MRPL3: variants seen among roughly 807,000 people sequenced by gnomAD.
The protein encoded by MRPL3 is mitochondrial ribosomal protein L3, also known as large ribosomal subunit protein uL3m.
In MRPL3, 43 loss-of-function variants were observed where a neutral mutation model predicts 44.3. The ratio of observed to expected loss-of-function variants is 0.97; its 90% CI spans 0.76 to 1.25. MRPL3 has a LOEUF of 1.25. Ranked by LOEUF, MRPL3 falls within the 50% of genes most tolerant of loss-of-function variation. MRPL3 has a pLI of 0.00. For synonymous variants in MRPL3, 171 were observed against 152.3 expected (o/e 1.12, Z -0.91); for missense variants, 406 against 427.6 (o/e 0.95, Z 0.45).
chr3:131,486,228 C>T (rs1235113926), intron 6 of MRPL3, among the ~76,000 whole-genome samples: 1 of 151,692 alleles, frequency 6.6e-6, no homozygotes, highest in East Asian at 1.9e-4. Context: ...CATAAAAACC[C>T]TAGAAGAAAA....
In MRPL3 at chr3:131,469,223, C is replaced by A. The variant is rs565883006; in HGVS notation, c.816+473G>T. 7.6e-5 allele frequency among the ~76,000 whole-genome samples: 11 copies of A among 145,084 alleles called. No individual in the cohort carries two copies. In the South Asian group the frequency reaches 1.8e-3, roughly 23 times the overall value. ...CCTCCCACTCTCCTCCTTACACTTACACACACACACGCACACACACACACA... is the reference window on the plus strand; with the variant it reads ...CCTCCCACTCTCCTCCTTACACTTAAACACACACACGCACACACACACACA... On this transcript the variant is annotated intron_variant, in intron 8 of 9. Transcript: ENST00000264995.
intron 5 of MRPL3, 74 bp downstream of exon 5, chr3:131,489,907 T>C (rs1159995936): frequency 5.9e-6 from 5 of 849,890 alleles, no homozygotes; most frequent in East Asian, 5.2e-5. Context: ...TGTAGCTTTA[T>C]TGAAAGGGCT....
Position 131,501,562 on chromosome 3 carries a change from A to C in MRPL3, c.246T>G (p.Asp82Glu). 6.2e-7 allele frequency: 1 copy of C among 1,612,050 alleles called. No homozygotes were observed. Among genetic ancestry groups the C allele is most frequent in the South Asian group, 1.1e-5 (1 of 90,962 alleles). Residue 82 changes from aspartate to glutamate, a missense_variant, in exon 2 of 10, where the codon GAT becomes GAG. By Grantham distance (45) the Asp-to-Glu change is conservative (BLOSUM62 2). Coordinates refer to ENST00000264995, the MANE Select transcript of MRPL3 (RefSeq NM_007208.4). ...QLASKLCPLK[D>E]EPWPIHPWEP... ...CCCAAGGATGTATAGGCCATGGTTC[A>C]TCTTTCAGAGGACACAGTTTACTTG... is the stretch of plus-strand genomic sequence containing the variant.
At chr3:131,498,383 C>T in intron 3 of MRPL3, 106 bp from the exon 4 acceptor site, 2 of 630,348 alleles carry the variant, frequency 3.2e-6, no homozygotes, top group Non-Finnish European at 2.8e-6. Flanking sequence ...CCTACAGTTA[C>T]TTACCTCATC....
chr3:131,487,870 A>G, intron 5 of MRPL3, 130 bp from the exon 6 acceptor site: 1 of 646,920 alleles, frequency 1.5e-6, no homozygotes, highest in Non-Finnish European at 2.7e-6. Context: ...TTCTGCAATT[A>G]GAAACATCCA....
At chr3:131,469,595 C>T in intron 8 of MRPL3, 101 bp downstream of exon 8, 3 of 775,014 alleles carry the variant, frequency 3.9e-6, no homozygotes, top group Non-Finnish European at 6.2e-6. Context: ...ATTTTAAAGC[C>T]TCTTAGAACA....
intron 8 of MRPL3, among the ~76,000 whole-genome samples, chr3:131,468,542 A>T (rs1933672707): frequency 6.6e-6 from 1 of 152,128 alleles, no homozygotes; most frequent in South Asian, 2.1e-4. Context: ...AACCTCACTG[A>T]TTCTAATTTC....
intron 6 of MRPL3, among the ~76,000 whole-genome samples, chr3:131,484,197 A>G (rs1349165446): frequency 6.6e-6 from 1 of 152,198 alleles, no homozygotes; most frequent in Non-Finnish European, 1.5e-5. Flanking sequence ...GTGAGGAGGA[A>G]AAGTGGTTTA....
intron 6 of MRPL3, among the ~76,000 whole-genome samples, chr3:131,478,649 T>C (rs935439581): frequency 1.3e-4 from 20 of 152,036 alleles, no homozygotes; most frequent in Non-Finnish European, 2.9e-4. Context: ...CTTCCCACTA[T>C]TGTCATGAAA....
chr3:131,478,761 T>C (rs1422647453), intron 6 of MRPL3, among the ~76,000 whole-genome samples: 2 of 147,292 alleles, frequency 1.4e-5, no homozygotes, highest in African/African-American at 5.1e-5. Context: ...CAGGCTGGAG[T>C]ATAGCGGTGT....
intron 9 of MRPL3, among the ~76,000 whole-genome samples, chr3:131,463,265 A>T (rs1057078862): frequency 6.6e-6 from 1 of 152,144 alleles, no homozygotes; most frequent in African/African-American, 2.4e-5. Flanking sequence ...AAGAGCACAT[A>T]ATCAAAAATA....
chr3:131,489,844 ATG>A, intron 5 of MRPL3, 135 bp downstream of exon 5: 2 of 536,722 alleles, frequency 3.7e-6, no homozygotes, highest in South Asian at 2.9e-5. Context: ...AAAAAACAAA[ATG>A]AGATACAGTT....
At chr3:131,473,459 T>C (rs1582704165) in intron 6 of MRPL3, among the ~76,000 whole-genome samples, 1 of 146,664 alleles carries the variant, frequency 6.8e-6, no homozygotes, top group South Asian at 2.1e-4. Context: ...TAGAAGAAAA[T>C]GTAGGGGAAA....
intron 5 of MRPL3, among the ~76,000 whole-genome samples, chr3:131,489,000 G>C (rs576087545): frequency 3.3e-5 from 5 of 152,006 alleles, no homozygotes; most frequent in Admixed American, 3.3e-4. Context: ...AAACAATTTT[G>C]TATGATTTGA....
chr3:131,498,096 T>C, intron 4 of MRPL3, 83 bp downstream of exon 4: 1 of 1,003,026 alleles, frequency 1.0e-6, no homozygotes, highest in Non-Finnish European at 1.6e-6. Flanking sequence ...TTTGTGGCTG[T>C]GGAACAATCT....
rs538147607 is a variant in MRPL3, at chr3:131,502,255, G to A, written c.92+475C>T. 1.4e-3 allele frequency among the ~76,000 whole-genome samples: 220 copies of A among 152,322 alleles called. 1 individual carries two copies. The highest frequency in any genetic ancestry group is 4.9e-3 in the African/African-American group (205 of 41,560). On this transcript the variant is annotated intron_variant, in intron 1 of 9. Transcript: ENST00000264995. ...AAGGGGTGTAATTCTTGCATGGAGG[G>A]TCAGAACAGAAGTAAAGCTTTCTGC... is the stretch of plus-strand genomic sequence containing the variant.
At position 131,486,444 on chromosome 3, in the gene MRPL3, A is replaced by T. The variant is rs868287214; in HGVS notation, c.629+1236T>A. ...AGGCAACCTACAGAATGGGAGAAAA[A>T]TTTTTTTTTTTTTTTATTATACTCT... On this transcript the variant is annotated intron_variant, in intron 6 of 9. Transcript: ENST00000264995. Among the ~76,000 whole-genome samples the T allele has an allele frequency of 6.3e-3, 876 of 139,428 alleles. 10 individuals are homozygous for T. Among genetic ancestry groups the T allele is most frequent in the African/African-American group, 0.021 (791 of 37,822 alleles). 91.5% of individuals were successfully genotyped at this position (139,428 alleles called of 152,430 possible). A position where few individuals can be genotyped will look rare whatever the true frequency, so the allele number is the denominator to read the frequency against.
intron 6 of MRPL3, 39 bp downstream of exon 6, chr3:131,487,641 G>C: frequency 6.6e-7 from 1 of 1,505,060 alleles, no homozygotes; most frequent in Non-Finnish European, 9.2e-7. Flanking sequence ...TTTAATAGAT[G>C]AAAACAAAAG....
At chr3:131,484,210 T>C (rs1380081273) in intron 6 of MRPL3, among the ~76,000 whole-genome samples, 1 of 152,204 alleles carries the variant, frequency 6.6e-6, no homozygotes, top group Admixed American at 6.5e-5. Context: ...GTGGTTTAAC[T>C]GATGAGCTTC....
Sources: gnomAD v4.1 joint callset for allele counts (sites outside exome capture counted in the v4.1 genomes callset) on GRCh38, gnomAD v4.1.1 for gene constraint, MANE v1.5 for transcripts, NCBI Gene and HGNC (gene_info 2026-07-23, HGNC 2026-07-21) for gene names.